Variants in VWDE observed in about 807,000 individuals in gnomAD.
The protein encoded by VWDE is von Willebrand factor D and EGF domains, also known as von Willebrand factor D and EGF domain-containing protein.
Under a neutral mutation model 178.4 loss-of-function variants are expected in VWDE, and 207 were observed. The observed-to-expected ratio is 1.16, with a 90% confidence interval of 1.04 to 1.30. The LOEUF (loss-of-function observed/expected upper bound fraction) is 1.30. Ranked by LOEUF, VWDE falls within the 50% of genes most tolerant of loss-of-function variation. VWDE has a pLI of 0.00. For missense variants in VWDE, 2,287 were observed against 1,901.3 expected, an observed-to-expected ratio of 1.20 and a Z score of -3.77; for synonymous variants, 738 against 651.4, an observed-to-expected ratio of 1.13 and a Z score of -2.02.
At position 12,370,722 on chromosome 7, in the gene VWDE, T is replaced by G; in HGVS notation, c.1730A>C (p.His577Pro). 1 of 1,551,226 alleles carries G rather than the reference T, an allele frequency of 6.4e-7. No individual in the cohort carries two copies. The highest frequency in any genetic ancestry group is 8.7e-7 in the Non-Finnish European group (1 of 1,146,698). ...ATCAATTTGCATCCCATTTTTGTCA[T>G]GGAAATCATTTTCCGGATTTTCATC... ...TFDENPENDF[H>P]DKNGMQIDQN... Residue 577 changes from histidine (H) to proline (P), a missense_variant, in exon 11 of 29, where the codon CAT becomes CCT. His to Pro is a moderately conservative substitution (Grantham distance 77, BLOSUM62 -2). Coordinates refer to ENST00000275358, the MANE Select transcript of VWDE (RefSeq NM_001135924.3).
intron 24 of VWDE, among the ~76,000 whole-genome samples, chr7:12,338,602 T>C (rs77736089): frequency 0.019 from 2,826 of 152,136 alleles, 82 homozygotes; most frequent in African/African-American, 0.064. Context: ...GGGCATACAA[T>C]TTAAGGGTGG....
At chr7:12,391,076 G>C (rs1039173697) in intron 2 of VWDE, among the ~76,000 whole-genome samples, 3 of 152,090 alleles carry the variant, frequency 2.0e-5, no homozygotes, top group Non-Finnish European at 4.4e-5. Flanking sequence ...ATAGGAAAAT[G>C]ATAATGCTAT....
At chr7:12,361,758 C>T (rs1782594603) in intron 13 of VWDE, among the ~76,000 whole-genome samples, 1 of 151,962 alleles carries the variant, frequency 6.6e-6, no homozygotes, top group African/African-American at 2.4e-5. Context: ...CGGTTCAAAT[C>T]AAAGAAGTTA....
At chr7:12,385,527 G>A (rs1464969644) in intron 3 of VWDE, among the ~76,000 whole-genome samples, 1 of 152,144 alleles carries the variant, frequency 6.6e-6, no homozygotes, top group Non-Finnish European at 1.5e-5. Flanking sequence ...GGCTAAAACT[G>A]GAGCTTCATC....
chr7:12,374,834 C>T, intron 8 of VWDE, 72 bp from the exon 9 acceptor site: 1 of 1,142,360 alleles, frequency 8.8e-7, no homozygotes, highest in Non-Finnish European at 1.2e-6. Flanking sequence ...AATTGCTTAG[C>T]AATCTCAACA....
At chr7:12,384,715 T>A (rs1279000859) in intron 3 of VWDE, among the ~76,000 whole-genome samples, 2 of 152,042 alleles carry the variant, frequency 1.3e-5, no homozygotes, top group African/African-American at 2.4e-5. Flanking sequence ...CCATACTCAT[T>A]TACAGGATTA....
chr7:12,388,165 A>G (rs1784199299), intron 3 of VWDE, among the ~76,000 whole-genome samples: 1 of 152,100 alleles, frequency 6.6e-6, no homozygotes, highest in African/African-American at 2.4e-5. Context: ...AGTACTATTC[A>G]GGTATTTTGT....
At chr7:12,382,374 T>C (rs1783894713) in intron 4 of VWDE, among the ~76,000 whole-genome samples, 1 of 151,842 alleles carries the variant, frequency 6.6e-6, no homozygotes, top group Non-Finnish European at 1.5e-5. Context: ...GTTTTATTAC[T>C]TTGTGAACTT....
chr7:12,353,393 G>C (rs1782051878), intron 18 of VWDE, among the ~76,000 whole-genome samples: 1 of 132,302 alleles, frequency 7.6e-6, no homozygotes, highest in Non-Finnish European at 1.6e-5. Flanking sequence ...AGCCACACTG[G>C]GAGTTAGGGC....
intron 24 of VWDE, among the ~76,000 whole-genome samples, chr7:12,339,078 A>G (rs1007393463): frequency 6.6e-6 from 1 of 151,302 alleles, no homozygotes; most frequent in Non-Finnish European, 1.5e-5. Context: ...AGTCTGAGGC[A>G]TGGAGCCTTC....
At chr7:12,345,816 T>C (rs1166852813) in intron 19 of VWDE, among the ~76,000 whole-genome samples, 1 of 152,162 alleles carries the variant, frequency 6.6e-6, no homozygotes, top group Non-Finnish European at 1.5e-5. Flanking sequence ...CTTTACTGAA[T>C]TATCCATTTG....
intron 13 of VWDE, 95 bp from the exon 14 acceptor site, chr7:12,361,616 T>C (rs1263043778): frequency 2.6e-6 from 3 of 1,156,506 alleles, no homozygotes; most frequent in Admixed American, 3.2e-5. Flanking sequence ...TTTTAAAATA[T>C]ATGCCTAGTA....
Position 12,389,263 on chromosome 7 carries a change from A to G in VWDE, c.339T>C (p.Cys113=). 1.3e-6 allele frequency: 2 copies of G among 1,551,726 alleles called. No homozygotes were observed. Among genetic ancestry groups the G allele is most frequent in the Non-Finnish European group, 1.7e-6 (2 of 1,146,992 alleles). The part of the protein sequence containing the change: ...SPGEIKQLTA[C]ATWQFLFSTT... ...TGCTGAACAAAAACTGCCATGTTGC[A>G]CAAGCTGTCAATTGCTTGATCTCCC... The change falls in exon 3 of 29, where the codon TGT becomes TGC. Residue 113 remains cysteine (C), a synonymous_variant. Coordinates refer to ENST00000275358, the MANE Select transcript of VWDE (RefSeq NM_001135924.3).
At chr7:12,402,139 G>A (rs1784927641) in intron 1 of VWDE, among the ~76,000 whole-genome samples, 1 of 152,224 alleles carries the variant, frequency 6.6e-6, no homozygotes, top group Non-Finnish European at 1.5e-5. Flanking sequence ...TATCGCTGGG[G>A]AGAAAGGGAG....
intron 27 of VWDE, 159 bp from the exon 28 acceptor site, chr7:12,333,727 T>C (rs6460930): frequency 0.61 from 303,564 of 494,264 alleles, 96,472 homozygotes; most frequent in African/African-American, 0.89. Context: ...TATGTACTCT[T>C]GTCTTTCAGA....
Position 12,369,945 on chromosome 7 carries a change from T to C in VWDE, c.2361A>G (p.Val787=). ...GCCAAGAGGGGAAAAACTCTTGCTG[T>C]ACATCCTCAGCATGGTCCTCTGGGA... ...YFFPEDHAED[V]QQEFFPSWPT... Residue 787 remains valine (V), a synonymous_variant, in exon 12 of 29, where the codon GTA becomes GTG. Coordinates refer to ENST00000275358, the MANE Select transcript of VWDE (RefSeq NM_001135924.3). The C allele has an allele frequency of 6.4e-7, 1 of 1,551,532 alleles. No homozygotes were observed. Among genetic ancestry groups the C allele is most frequent in the African/African-American group, 1.4e-5 (1 of 73,152 alleles).
chr7:12,340,239 A>T (rs1781251098), intron 24 of VWDE, 83 bp downstream of exon 24: 2 of 1,099,184 alleles, frequency 1.8e-6, no homozygotes, highest in African/African-American at 3.2e-5. Flanking sequence ...TTTCCCTTTG[A>T]AACTTGTCTC....
rs1023361102 is a variant in VWDE, at chr7:12,403,063, T to C, written c.58+596A>G. ...ACTGTATTTTAAACTAAATGTTCTT[T>C]GTCATGGATTAAAGAAGTAGGAGGG... is the stretch of plus-strand genomic sequence containing the variant. On this transcript the variant is annotated intron_variant, in intron 1 of 28. Transcript: ENST00000275358. 3.3e-5 allele frequency among the ~76,000 whole-genome samples: 5 copies of C among 152,338 alleles called. No homozygotes were observed. The East Asian group carries it at 7.7e-4, about 23-fold the overall frequency.
Position 12,356,283 on chromosome 7 carries a change from A to T in VWDE, c.3573T>A (p.Ser1191=). The T allele has an allele frequency of 6.4e-7, 1 of 1,551,678 alleles. No homozygotes were observed. Among genetic ancestry groups the T allele is most frequent in the Non-Finnish European group, 8.7e-7 (1 of 1,146,994 alleles). Residue 1191 remains serine, a synonymous_variant, in exon 18 of 29, where the codon TCT becomes TCA. Coordinates refer to ENST00000275358, the MANE Select transcript of VWDE (RefSeq NM_001135924.3). ...CDCLNGGSCV[S]DRNFSPGSGV... ...CACTCCCTGGAGAAAAGTTCCTATCAGATACACATGATCCACCATTCAAGC... is the reference window on the plus strand; with the variant it reads ...CACTCCCTGGAGAAAAGTTCCTATCTGATACACATGATCCACCATTCAAGC...
Sources: allele counts gnomAD v4.1 joint callset (sites outside exome capture counted in the v4.1 genomes callset), GRCh38; gene constraint gnomAD v4.1.1; transcripts MANE v1.5; gene names NCBI Gene and HGNC (gene_info 2026-07-23, HGNC 2026-07-21).